SNTG1: variants seen among roughly 807,000 people sequenced by gnomAD.
SNTG1 encodes gamma-1-syntrophin.
SNTG1 carries 39 observed loss-of-function variants against 74.7 expected under a neutral mutation model. The observed-to-expected ratio is 0.52, with a 90% CI of 0.40 to 0.68. The LOEUF is 0.68. Ranked by LOEUF, SNTG1 falls within the 30% of genes least tolerant of loss-of-function variation. SNTG1 has a pLI of 0.00. For missense variants in SNTG1, 685 were observed against 609.5 expected (o/e 1.12, Z -1.30); for synonymous variants, 254 against 217.1 (o/e 1.17, Z -1.49).
chr8:50,084,328 G>A (rs541669717), intron 1 of SNTG1, among the ~76,000 whole-genome samples: 78 of 152,170 alleles, frequency 5.1e-4, no homozygotes, highest in African/African-American at 1.7e-3. Flanking sequence ...TGGCATGGTA[G>A]TGGGCACCTG....
In SNTG1 at chr8:50,779,612, A is replaced by G. The variant is rs575796262; in HGVS notation, c.1396-13059A>G. On this transcript the variant is annotated intron_variant, in intron 18 of 18. Coordinates refer to ENST00000642720, the MANE Select transcript of SNTG1 (RefSeq NM_018967.5). ...CTTAAGGAGATTTTGGGCTGAGACA[A>G]TGGGGTTTTCTAGATATACAATCAT... Among the ~76,000 whole-genome samples the G allele has an allele frequency of 1.6e-3, 235 of 151,216 alleles. 1 individual carries two copies. The highest frequency in any genetic ancestry group is 6.8e-3 in the Middle Eastern group (2 of 294).
At chr8:50,448,349 A>AG (rs1313184835) in intron 5 of SNTG1, among the ~76,000 whole-genome samples, 3 of 152,164 alleles carry the variant, frequency 2.0e-5, no homozygotes, top group Admixed American at 2.0e-4. Flanking sequence ...TTTCTAAAAA[A>AG]CTATTGACTA....
Position 50,131,363 on chromosome 8 carries a change from T to A in SNTG1, c.-102-41198T>A, listed in dbSNP as rs1293641832. ...AAATAAAAATTGTATATATTCAAGG[T>A]GTACAACATTAAGTTTTGTTATATG... On this transcript the variant is annotated intron_variant, in intron 1 of 18. Transcript: ENST00000642720. Among the ~76,000 whole-genome samples, 60 of 152,162 alleles carry A rather than the reference T, an allele frequency of 3.9e-4. 1 individual carries two copies. Among genetic ancestry groups the A allele is most frequent in the Non-Finnish European group, 1.8e-4 (12 of 67,998 alleles).
chr8:50,036,736 A>G (rs548076393), intron 1 of SNTG1, among the ~76,000 whole-genome samples: 1 of 152,216 alleles, frequency 6.6e-6, no homozygotes, highest in Non-Finnish European at 1.5e-5. Context: ...TAAACAGGCT[A>G]AAAACCAAAC....
rs76978940 is a variant in SNTG1, at chr8:50,522,068, C to T, written c.467-8109C>T. Among the ~76,000 whole-genome samples the T allele has an allele frequency of 8.3e-4, 126 of 152,242 alleles. 1 individual carries two copies. The highest frequency in any genetic ancestry group is 6.0e-3 in the East Asian group (31 of 5,192). ...CAGAAGGTTTTCAATTGATTTTGCCCAGGTCCATCAGAGTAATCCCCATCT... is the reference window on the plus strand; with the variant it reads ...CAGAAGGTTTTCAATTGATTTTGCCTAGGTCCATCAGAGTAATCCCCATCT... On this transcript the variant is annotated intron_variant, in intron 9 of 18. Transcript: ENST00000642720.
At position 50,521,989 on chromosome 8, in the gene SNTG1, T is replaced by A. The variant is rs186579989; in HGVS notation, c.467-8188T>A. Among the ~76,000 whole-genome samples, 208 of 152,288 alleles carry A rather than the reference T, an allele frequency of 1.4e-3. 1 individual carries two copies. The highest frequency in any genetic ancestry group is 4.9e-3 in the African/African-American group (202 of 41,564). On this transcript the variant is annotated intron_variant, in intron 9 of 18. Transcript: ENST00000642720. ...TAATATTGATATTTTTACCTACTCC[T>A]GTCAATATTAATCATGAGTATTCTT...
chr8:49,934,914 T>C (rs1254946909), intron 1 of SNTG1, among the ~76,000 whole-genome samples: 6 of 152,072 alleles, frequency 3.9e-5, no homozygotes, highest in Admixed American at 3.9e-4. Context: ...GAATTGTTTC[T>C]CTTTGAATTT....
chr8:49,912,538 TTTG>T (rs1485637288), intron 1 of SNTG1, among the ~76,000 whole-genome samples: 4 of 152,246 alleles, frequency 2.6e-5, no homozygotes, highest in Non-Finnish European at 5.9e-5. Flanking sequence ...GCAAGATAAT[TTTG>T]TTGTCTTATG....
chr8:50,471,345 T>C lies in SNTG1; in HGVS notation c.363+20616T>C, dbSNP rs944712397. ...ATACCTTTGCGATATACTTATAGTC[T>C]ATGTAAATTAAAAATTGTCATCTAT... is the stretch of plus-strand genomic sequence containing the variant. On this transcript the variant is annotated intron_variant, in intron 8 of 18. Transcript: ENST00000642720. Among the ~76,000 whole-genome samples, 5 of 152,218 alleles carry C rather than the reference T, an allele frequency of 3.3e-5. No individual in the cohort carries two copies. The South Asian group carries it at 1.0e-3, about 32-fold the overall frequency.
intron 4 of SNTG1, among the ~76,000 whole-genome samples, chr8:50,404,734 CT>C (rs1207988254): frequency 6.6e-6 from 1 of 151,852 alleles, no homozygotes; most frequent in Non-Finnish European, 1.5e-5. Flanking sequence ...TGTTGTGTAA[CT>C]ATCACCACTA....
At chr8:50,753,323 A>T (rs531812218) in intron 18 of SNTG1, among the ~76,000 whole-genome samples, 6 of 151,780 alleles carry the variant, frequency 4.0e-5, no homozygotes, top group Non-Finnish European at 2.9e-5. Flanking sequence ...CTCTTGTCAA[A>T]TTTTTTTTAC....
intron 18 of SNTG1, among the ~76,000 whole-genome samples, chr8:50,754,915 G>T (rs1563809929): frequency 6.6e-6 from 1 of 151,750 alleles, no homozygotes; most frequent in Non-Finnish European, 1.5e-5. Flanking sequence ...TTTGACAAAT[G>T]GATTTTTTTC....
chr8:50,361,695 T>A (rs538732602), intron 2 of SNTG1, among the ~76,000 whole-genome samples: 2 of 152,222 alleles, frequency 1.3e-5, no homozygotes, highest in African/African-American at 2.4e-5. Context: ...GCAATAGAAA[T>A]TTTTCAGTTC....
chr8:49,928,431 A>G (rs888841507), intron 1 of SNTG1, among the ~76,000 whole-genome samples: 1 of 151,954 alleles, frequency 6.6e-6, no homozygotes, highest in Non-Finnish European at 1.5e-5. Flanking sequence ...GGGTTTTGCC[A>G]TATTGGCCAG....
intron 2 of SNTG1, among the ~76,000 whole-genome samples, chr8:50,214,976 G>C (rs2084708695): frequency 6.6e-6 from 1 of 152,126 alleles, no homozygotes; most frequent in Non-Finnish European, 1.5e-5. Flanking sequence ...ACGTCCAGTG[G>C]CGTTGAAGGC....
rs147937585 is a variant in SNTG1 at position 50,427,456 on chromosome 8, G to T, written c.163-11087G>T. On this transcript the variant is annotated intron_variant, in intron 4 of 18. Coordinates refer to ENST00000642720, the MANE Select transcript of SNTG1 (RefSeq NM_018967.5). ...TTTATTTTTAATTTTTTGAGTCGGG[G>T]TCTCCCTCTGTTACCAAGCTTGGGT... 1.8e-3 allele frequency among the ~76,000 whole-genome samples: 271 copies of T among 152,090 alleles called. 2 individuals are homozygous for T. Among genetic ancestry groups the T allele is most frequent in the African/African-American group, 6.3e-3 (262 of 41,498 alleles).
chr8:50,624,829 A>G (rs75478465), intron 13 of SNTG1, among the ~76,000 whole-genome samples: 6,552 of 152,216 alleles, frequency 0.043, 246 homozygotes, highest in African/African-American at 0.094. Flanking sequence ...CAAGAAGTCA[A>G]GTTCCAACGG....
intron 2 of SNTG1, among the ~76,000 whole-genome samples, chr8:50,241,137 C>G (rs1312977625): frequency 1.3e-5 from 2 of 152,134 alleles, no homozygotes; most frequent in Non-Finnish European, 2.9e-5. Context: ...GTAAAAAGTT[C>G]TGATACACTT....
intron 18 of SNTG1, among the ~76,000 whole-genome samples, chr8:50,776,841 C>A (rs2095642251): frequency 6.6e-6 from 1 of 151,836 alleles, no homozygotes; most frequent in Non-Finnish European, 1.5e-5. Flanking sequence ...TTCTGAAGCA[C>A]TATTTTGCTG....
Sources: gnomAD v4.1 joint callset for allele counts (sites outside exome capture counted in the v4.1 genomes callset) on GRCh38, gnomAD v4.1.1 for gene constraint, MANE v1.5 for transcripts, NCBI Gene and HGNC (gene_info 2026-07-23, HGNC 2026-07-21) for gene names.